The following LMNTD1 variants were observed in gnomAD, a reference collection of about 807,000 sequenced individuals.
LMNTD1 encodes the protein lamin tail domain-containing protein 1.
Under a neutral mutation model 50.9 loss-of-function variants are expected in LMNTD1, and 35 were observed. The ratio of observed to expected loss-of-function variants is 0.69; its 90% CI spans 0.53 to 0.91. LMNTD1 has a LOEUF of 0.91. Ranked by LOEUF, LMNTD1 falls within the 40% of genes least tolerant of loss-of-function variation. The pLI, the probability that LMNTD1 is intolerant of heterozygous loss-of-function variation, is 0.00. For synonymous variants in LMNTD1, 153 were observed against 161.9 expected (o/e 0.94, Z 0.42); for missense variants, 470 against 475.5 (o/e 0.99, Z 0.11).
chr12:25,555,436 A>C (rs1020535934), upstream of LMNTD1, among the ~76,000 whole-genome samples: 1 of 151,282 alleles, frequency 6.6e-6, no homozygotes, highest in Non-Finnish European at 1.5e-5. Flanking sequence ...TCAACTAAGA[A>C]ATTTAAAAGA....
rs542043221 is a variant in LMNTD1, at chr12:25,563,651, A to T, written c.59-17097T>A. ...CAGATCTCAAACTCCATGCTGGGAG[A>T]ACCACTACTCTCTTAAAAGCTGTCA... On this transcript the variant is annotated intron_variant, in intron 1 of 7. Transcript: ENST00000445693. Among the ~76,000 whole-genome samples, 9 of 152,304 alleles carry T rather than the reference A, an allele frequency of 5.9e-5. No homozygotes were observed. The East Asian group carries it at 1.7e-3, about 29-fold the overall frequency.
rs565605534 is a variant in LMNTD1 at position 25,546,677 on chromosome 12, CA to C, written c.311-124del. On this transcript the variant is annotated intron_variant, in intron 3 of 9. Coordinates refer to ENST00000458174, the MANE Select transcript of LMNTD1 (RefSeq NM_001145728.2). Reference sequence around the variant, plus strand: ...AAATTATATTTTTACATTTTAATATCACTATCAAACTTAATGAGAATAGTTA... The same window carrying C: ...AAATTATATTTTTACATTTTAATATCCTATCAAACTTAATGAGAATAGTTA... 5.5e-3 allele frequency: 2,777 copies of C among 507,488 alleles called. 51 individuals are homozygous for C. Among genetic ancestry groups the C allele is most frequent in the Non-Finnish European group, 3.5e-3 (1,108 of 315,900 alleles). 31.4% of individuals were successfully genotyped at this position (507,488 alleles called of 1,614,324 possible).
At chr12:25,604,024 C>A (rs1946040731) in intron 1 of LMNTD1, among the ~76,000 whole-genome samples, 1 of 152,014 alleles carries the variant, frequency 6.6e-6, no homozygotes, top group African/African-American at 2.4e-5. Context: ...AGCAAACAAA[C>A]AAAAAGAACT....
intron 1 of LMNTD1, among the ~76,000 whole-genome samples, chr12:25,567,328 T>G (rs1314390053): frequency 2.6e-5 from 4 of 152,218 alleles, no homozygotes; most frequent in Non-Finnish European, 4.4e-5. Context: ...TGTTTCTCCC[T>G]TAGTTTTCTG....
At position 25,546,514 on chromosome 12, in the gene LMNTD1, T is replaced by C; in HGVS notation, c.351A>G (p.Ser117=). The change falls in exon 4 of 10, where the codon TCA becomes TCG. Residue 117 remains serine, a synonymous_variant. Coordinates refer to ENST00000458174, the MANE Select transcript of LMNTD1 (RefSeq NM_001145728.2). ...AATCTTCTCCATCCCCAATCATGGG[T>C]GATTCATCCTGTTTCTTCGGAACTG... The part of the protein sequence containing the change: ...PFSVPKKQDE[S]PMIGDGEDYF... The C allele has an allele frequency of 1.3e-6, 2 of 1,576,680 alleles. No individual in the cohort carries two copies. The highest frequency in any genetic ancestry group is 1.8e-5 in the Admixed American group (1 of 56,508).
At chr12:25,517,984 T>C (rs1940937453) in intron 8 of LMNTD1, among the ~76,000 whole-genome samples, 1 of 152,146 alleles carries the variant, frequency 6.6e-6, no homozygotes, top group South Asian at 2.1e-4. Flanking sequence ...TGGAAATTGC[T>C]ACATCCTCCT....
chr12:25,550,263 G>T (rs549044281), intron 2 of LMNTD1, among the ~76,000 whole-genome samples: 1 of 152,124 alleles, frequency 6.6e-6, no homozygotes, highest in East Asian at 1.9e-4. Flanking sequence ...TTTGAACAAG[G>T]TTCATAAGCT....
chr12:25,631,183 C>A (rs375709125), intron 1 of LMNTD1, among the ~76,000 whole-genome samples: 1 of 152,132 alleles, frequency 6.6e-6, no homozygotes, highest in Non-Finnish European at 1.5e-5. Context: ...CTAGCCCCAC[C>A]CCTACCTGAT....
chr12:25,476,399 G>A lies in LMNTD1; in HGVS notation c.*84C>T, dbSNP rs1214741595. 1 of 152,156 alleles carries A rather than the reference G, an allele frequency of 6.6e-6. No homozygotes were observed. The highest frequency in any genetic ancestry group is 6.5e-5 in the Admixed American group (1 of 15,274). 9.4% of individuals were successfully genotyped at this position (152,156 alleles called of 1,614,324 possible). A position where few individuals can be genotyped will look rare whatever the true frequency, so the allele number is the denominator to read the frequency against. On this transcript the variant is annotated 3_prime_UTR_variant, in exon 10 of 10. Transcript: ENST00000458174. ...GGAATAGCAGGGAGGTTGCAGAGCA[G>A]GCCTCAGGGATTTGAGTTCTCTTTT...
rs1190335978 is a variant in LMNTD1 at position 25,641,384 on chromosome 12, T to C, written c.58+7110A>G. ...GGCTGATACAGTAAGCTACATGCCATGGAAAGGTTCTGAGGTTTATTGTCA... is the reference window on the plus strand; with the variant it reads ...GGCTGATACAGTAAGCTACATGCCACGGAAAGGTTCTGAGGTTTATTGTCA... On this transcript the variant is annotated intron_variant, in intron 1 of 7. Transcript: ENST00000445693. Among the ~76,000 whole-genome samples, 4 of 152,272 alleles carry C rather than the reference T, an allele frequency of 2.6e-5. No individual in the cohort carries two copies. The East Asian group carries it at 7.7e-4, about 29-fold the overall frequency.
intron 1 of LMNTD1, among the ~76,000 whole-genome samples, chr12:25,604,617 C>T (rs887976843): frequency 6.6e-5 from 10 of 151,886 alleles, no homozygotes; most frequent in East Asian, 1.9e-4. Flanking sequence ...TTTGTCCTTG[C>T]GATAGTTTGC....
At chr12:25,628,344 G>A (rs1946641570) in intron 1 of LMNTD1, among the ~76,000 whole-genome samples, 1 of 151,928 alleles carries the variant, frequency 6.6e-6, no homozygotes, top group African/African-American at 2.4e-5. Context: ...TCCCAAAACA[G>A]GAGTTCAGAG....
intron 2 of LMNTD1, among the ~76,000 whole-genome samples, chr12:25,550,560 G>A (rs1591991491): frequency 6.6e-6 from 1 of 152,056 alleles, no homozygotes; most frequent in South Asian, 2.1e-4. Flanking sequence ...TAATTATTTT[G>A]CCTCCATGAA....
At position 25,546,971 on chromosome 12, in the gene LMNTD1, G is replaced by A. The variant is rs187873825; in HGVS notation, c.311-417C>T. On this transcript the variant is annotated intron_variant, in intron 3 of 9. Coordinates refer to ENST00000458174, the MANE Select transcript of LMNTD1 (RefSeq NM_001145728.2). ...AAAATTCCCAAATGGCTACCCATAAGTTAAAGCCTCATATGAATCCTTTCC... is the reference window on the plus strand; with the variant it reads ...AAAATTCCCAAATGGCTACCCATAAATTAAAGCCTCATATGAATCCTTTCC... 2.6e-5 allele frequency among the ~76,000 whole-genome samples: 4 copies of A among 151,712 alleles called. No individual in the cohort carries two copies. The East Asian group carries it at 7.7e-4, about 29-fold the overall frequency.
chr12:25,498,552 G>A (rs1008423535), intron 9 of LMNTD1, among the ~76,000 whole-genome samples: 2 of 152,144 alleles, frequency 1.3e-5, no homozygotes, highest in Non-Finnish European at 2.9e-5. Flanking sequence ...TGCATCTGTA[G>A]AAACTGTGGA....
At chr12:25,598,183 G>A (rs768271127) in intron 1 of LMNTD1, among the ~76,000 whole-genome samples, 18 of 152,202 alleles carry the variant, frequency 1.2e-4, no homozygotes, top group Non-Finnish European at 2.6e-4. Context: ...ATTACCCAGT[G>A]TTGGGTATGT....
At chr12:25,527,681 T>TATATACACACAC (rs1463259109) in intron 4 of LMNTD1, among the ~76,000 whole-genome samples, 38 of 32,304 alleles carry the variant, frequency 1.2e-3, no homozygotes, top group Non-Finnish European at 1.8e-3. Context: ...TATATATATA[T>TATATACACACAC]ACACACACAC....
chr12:25,560,039 T>G (rs1196722035), intron 1 of LMNTD1, among the ~76,000 whole-genome samples: 1 of 152,216 alleles, frequency 6.6e-6, no homozygotes, highest in East Asian at 1.9e-4. Context: ...AGAAGCTCTT[T>G]AGTTTAATTA....
intron 4 of LMNTD1, among the ~76,000 whole-genome samples, chr12:25,527,234 G>C (rs1254735100): frequency 6.6e-6 from 1 of 151,956 alleles, no homozygotes; most frequent in African/African-American, 2.4e-5. Context: ...ACAGGAAGTT[G>C]AGAATTATAA....
Sources: gnomAD v4.1 joint callset for allele counts (sites outside exome capture counted in the v4.1 genomes callset) on GRCh38, gnomAD v4.1.1 for gene constraint, MANE v1.5 for transcripts, NCBI Gene and HGNC (gene_info 2026-07-23, HGNC 2026-07-21) for gene names.